Variants in PTPRD observed in about 807,000 individuals in gnomAD.
PTPRD encodes receptor-type tyrosine-protein phosphatase delta.
In PTPRD, 34 loss-of-function variants were observed where a neutral mutation model predicts 214.5. That is an observed-to-expected ratio of 0.16 (90% CI 0.12 to 0.21). PTPRD has a LOEUF of 0.21. Ranked by LOEUF, PTPRD falls within the 10% of genes least tolerant of loss-of-function variation. The probability of loss-of-function intolerance (pLI) is 1.00; values close to 1 mark genes in which losing one functional copy is unlikely to be tolerated. For synonymous variants in PTPRD, 1,128 were observed against 845.7 expected, an observed-to-expected ratio of 1.33 and a Z score of -5.79; for missense variants, 2,545 against 2,398.7, an observed-to-expected ratio of 1.06 and a Z score of -1.27.
intron 5 of PTPRD, among the ~76,000 whole-genome samples, chr9:9,804,890 T>G (rs1018095346): frequency 6.6e-6 from 1 of 151,788 alleles, no homozygotes; most frequent in Non-Finnish European, 1.5e-5. Flanking sequence ...AGAAATTCCT[T>G]GTTAAGTATT....
chr9:10,157,016 T>C (rs1286996404), intron 3 of PTPRD, among the ~76,000 whole-genome samples: 1 of 152,208 alleles, frequency 6.6e-6, no homozygotes, highest in East Asian at 1.9e-4. Context: ...TTTGAGACTA[T>C]GAGTGTCACT....
intron 5 of PTPRD, among the ~76,000 whole-genome samples, chr9:9,934,306 A>G (rs889175423): frequency 6.6e-6 from 1 of 151,190 alleles, no homozygotes; most frequent in Non-Finnish European, 1.5e-5. Context: ...TTTTTTGAAA[A>G]GATCAACAAA....
At chr9:9,827,983 T>C (rs921746194) in intron 5 of PTPRD, among the ~76,000 whole-genome samples, 2 of 152,102 alleles carry the variant, frequency 1.3e-5, no homozygotes, top group African/African-American at 4.8e-5. Context: ...AGAATGGCGA[T>C]CGTTAAAAAG....
At chr9:8,358,609 T>A (rs1367685136) in intron 39 of PTPRD, among the ~76,000 whole-genome samples, 1 of 152,202 alleles carries the variant, frequency 6.6e-6, no homozygotes, top group Non-Finnish European at 1.5e-5. Flanking sequence ...AAATACATTT[T>A]AAATAATAGC....
At chr9:10,452,599 T>C (rs2098849053) in intron 2 of PTPRD, among the ~76,000 whole-genome samples, 1 of 151,896 alleles carries the variant, frequency 6.6e-6, no homozygotes, top group Non-Finnish European at 1.5e-5. Context: ...ATTAATGATT[T>C]ACCTAGTGGC....
rs571437669 is a variant in PTPRD at position 10,239,017 on chromosome 9, C to T, written c.-545+101946G>A. ...CATGTCCAATATGGTTTTGAATATC[C>T]TATTGGGCAACAAGGGGAAAAAGAA... On this transcript the variant is annotated intron_variant, in intron 3 of 45. Transcript: ENST00000381196. Among the ~76,000 whole-genome samples the T allele has an allele frequency of 9.9e-5, 15 of 151,910 alleles. No homozygotes were observed. In the East Asian group the frequency reaches 2.3e-3, roughly 24 times the overall value.
At chr9:8,982,579 G>A (rs1282918866) in intron 11 of PTPRD, among the ~76,000 whole-genome samples, 5 of 149,260 alleles carry the variant, frequency 3.3e-5, no homozygotes, top group Non-Finnish European at 7.4e-5. Flanking sequence ...GACCTAAAGG[G>A]AAAGGACAGA....
chr9:9,583,456 T>C (rs567790648), intron 7 of PTPRD, among the ~76,000 whole-genome samples: 1 of 152,206 alleles, frequency 6.6e-6, no homozygotes, highest in South Asian at 2.1e-4. Flanking sequence ...AAACGTCCTC[T>C]GAACCCTTTT....
At chr9:9,351,113 C>G (rs1452431711) in intron 9 of PTPRD, among the ~76,000 whole-genome samples, 1 of 152,010 alleles carries the variant, frequency 6.6e-6, no homozygotes, top group Non-Finnish European at 1.5e-5. Context: ...GCATCCCTTA[C>G]TCAATTCCCT....
chr9:9,082,291 G>C (rs1423363609), intron 10 of PTPRD, among the ~76,000 whole-genome samples: 4 of 152,106 alleles, frequency 2.6e-5, no homozygotes, highest in African/African-American at 9.7e-5. Context: ...TGGGACACAA[G>C]GGTGGTTCAA....
chr9:10,527,873 T>G (rs1034846458), intron 2 of PTPRD, among the ~76,000 whole-genome samples: 4 of 152,188 alleles, frequency 2.6e-5, no homozygotes, highest in Non-Finnish European at 5.9e-5. Context: ...TATGGCATTA[T>G]GAGAAAGATA....
At chr9:9,985,006 C>G (rs938910271) in intron 4 of PTPRD, among the ~76,000 whole-genome samples, 3 of 152,176 alleles carry the variant, frequency 2.0e-5, no homozygotes, top group Non-Finnish European at 4.4e-5. Flanking sequence ...AAAGGAATTT[C>G]ATTATCACAC....
intron 11 of PTPRD, among the ~76,000 whole-genome samples, chr9:8,963,457 C>A (rs980890913): frequency 2.0e-5 from 3 of 152,002 alleles, no homozygotes; most frequent in African/African-American, 4.8e-5. Flanking sequence ...AAAACATAAA[C>A]AAAACATGTA....
intron 2 of PTPRD, among the ~76,000 whole-genome samples, chr9:10,601,292 T>C (rs1348763192): frequency 6.6e-6 from 1 of 151,124 alleles, no homozygotes; most frequent in Admixed American, 6.6e-5. Flanking sequence ...AAGGGAAGAA[T>C]TTGATTTAAA....
At chr9:9,343,839 C>A (rs2047775694) in intron 9 of PTPRD, among the ~76,000 whole-genome samples, 1 of 151,916 alleles carries the variant, frequency 6.6e-6, no homozygotes, top group Non-Finnish European at 1.5e-5. Context: ...CTTTTCTTCC[C>A]AGTTTCAACT....
intron 2 of PTPRD, among the ~76,000 whole-genome samples, chr9:10,606,975 A>G (rs1215659184): frequency 2.6e-5 from 4 of 151,952 alleles, no homozygotes; most frequent in Admixed American, 1.3e-4. Flanking sequence ...GTATTTAATC[A>G]TAATACTTTA....
chr9:9,002,269 T>C lies in PTPRD; in HGVS notation c.-104+16428A>G, dbSNP rs1008868023. On this transcript the variant is annotated intron_variant, in intron 11 of 45. Coordinates refer to ENST00000381196, the MANE Select transcript of PTPRD (RefSeq NM_002839.4). Reference sequence around the variant, plus strand: ...AGATTTTTCAGAAAAATCACACTTGTAGATCTTAATATTAATGAGGCACTG... The same window carrying C: ...AGATTTTTCAGAAAAATCACACTTGCAGATCTTAATATTAATGAGGCACTG... Among the ~76,000 whole-genome samples the C allele has an allele frequency of 2.0e-5, 3 of 151,988 alleles. No individual in the cohort carries two copies. The East Asian group carries it at 5.8e-4, about 29-fold the overall frequency.
intron 10 of PTPRD, among the ~76,000 whole-genome samples, chr9:9,161,814 C>T (rs1384866775): frequency 3.3e-5 from 5 of 151,892 alleles, no homozygotes; most frequent in Admixed American, 2.0e-4. Flanking sequence ...CTATGTAACA[C>T]ATCATATAAC....
chr9:9,797,450 A>G (rs576416999), intron 5 of PTPRD, among the ~76,000 whole-genome samples: 1 of 152,244 alleles, frequency 6.6e-6, no homozygotes, highest in South Asian at 2.1e-4. Flanking sequence ...CTGGAAAATA[A>G]GGAAAACATC....
Sources: allele counts gnomAD v4.1 joint callset (sites outside exome capture counted in the v4.1 genomes callset), GRCh38; gene constraint gnomAD v4.1.1; transcripts MANE v1.5; gene names NCBI Gene and HGNC (gene_info 2026-07-23, HGNC 2026-07-21).